Variants in VWA5B1 observed in about 807,000 individuals in gnomAD.
The protein encoded by VWA5B1 is von Willebrand factor A domain containing 5B1, also known as von Willebrand factor A domain-containing protein 5B1.
In VWA5B1, 115 loss-of-function variants were observed where a neutral mutation model predicts 118.2. The observed-to-expected ratio is 0.97, with a 90% confidence interval of 0.84 to 1.14. VWA5B1 has a LOEUF of 1.14. Among genes scored for constraint, VWA5B1 ranks in the 50% most tolerant of loss-of-function variants. The pLI, the probability that VWA5B1 is intolerant of heterozygous loss-of-function variation, is 0.00. For synonymous variants in VWA5B1, 682 were observed against 658.4 expected, an observed-to-expected ratio of 1.04 and a Z score of -0.55; for missense variants, 1,596 against 1,603.8, an observed-to-expected ratio of 1.00 and a Z score of 0.08.
intron 1 of VWA5B1, among the ~76,000 whole-genome samples, chr1:20,295,788 G>T (rs1274874976): frequency 6.6e-6 from 1 of 152,142 alleles, no homozygotes. Context: ...TCGCCGTAGT[G>T]TCCCCCCTTC....
At chr1:20,345,426 A>G in intron 16 of VWA5B1, 30 bp from the exon 17 acceptor site, 1 of 1,550,642 alleles carries the variant, frequency 6.4e-7, no homozygotes, top group South Asian at 1.2e-5. Context: ...TTCTGAGTCC[A>G]AACAGTGACC....
intron 7 of VWA5B1, among the ~76,000 whole-genome samples, chr1:20,322,350 C>T (rs1046933150): frequency 6.6e-6 from 1 of 151,790 alleles, no homozygotes; most frequent in Non-Finnish European, 1.5e-5. Context: ...GAGAGAAAGT[C>T]GGGGTGGAAA....
chr1:20,322,090 G>A (rs1274288529), intron 7 of VWA5B1, among the ~76,000 whole-genome samples: 1 of 152,210 alleles, frequency 6.6e-6, no homozygotes, highest in Admixed American at 6.5e-5. Flanking sequence ...CAGTAGCAGT[G>A]GAGTCAGAGA....
intron 12 of VWA5B1, among the ~76,000 whole-genome samples, chr1:20,335,606 CAATT>C (rs1301793541): frequency 3.9e-5 from 6 of 152,064 alleles, no homozygotes; most frequent in South Asian, 2.1e-4. Context: ...TATAAACAGT[CAATT>C]AACGCATATT....
In VWA5B1 at chr1:20,312,820, G is replaced by C; in HGVS notation, c.140-16G>C. The C allele has an allele frequency of 6.5e-7, 1 of 1,541,562 alleles. No homozygotes were observed. Among genetic ancestry groups the C allele is most frequent in the Non-Finnish European group, 8.8e-7 (1 of 1,140,004 alleles). On this transcript the variant is annotated splice_polypyrimidine_tract_variant and intron_variant, in intron 2 of 21. Coordinates refer to ENST00000289815, the MANE Select transcript of VWA5B1 (RefSeq NM_001039500.3). Reference sequence around the variant, plus strand: ...AGGCCTGGGGCACCCCGTGATGCTGGGCCCTGCTCCGACAGGCCTCTTCGT... The same window carrying C: ...AGGCCTGGGGCACCCCGTGATGCTGCGCCCTGCTCCGACAGGCCTCTTCGT...
intron 4 of VWA5B1, 35 bp from the exon 5 acceptor site, chr1:20,317,495 G>C: frequency 6.5e-7 from 1 of 1,547,570 alleles, no homozygotes; most frequent in Non-Finnish European, 8.7e-7. Flanking sequence ...TTCCACCCTG[G>C]CTGGTCTCCT....
At chr1:20,320,076 A>T (rs969646044) in intron 7 of VWA5B1, among the ~76,000 whole-genome samples, 1 of 152,124 alleles carries the variant, frequency 6.6e-6, no homozygotes, top group Non-Finnish European at 1.5e-5. Context: ...GCCACAAGTC[A>T]CACCCCATGC....
intron 12 of VWA5B1, 58 bp downstream of exon 12, chr1:20,333,009 C>A: frequency 6.6e-7 from 1 of 1,526,296 alleles, no homozygotes. Flanking sequence ...GCCTACAAAT[C>A]AGCCTTAGCT....
In VWA5B1 at chr1:20,359,121, A is replaced by C. The variant is rs1469999807; in HGVS notation, c.*4858A>C. The stretch of plus-strand genomic sequence containing the variant: ...TGAGCTTACAGCCACGTCCCAACGC[A>C]ATGCGCCTCATCTCAATGCCGCTGA... On this transcript the variant is annotated 3_prime_UTR_variant, in exon 22 of 22. Transcript: ENST00000289815. 6.6e-6 allele frequency among the ~76,000 whole-genome samples: 1 copy of C among 152,160 alleles called. No homozygotes were observed. The highest frequency in any genetic ancestry group is 1.5e-5 in the Non-Finnish European group (1 of 68,038).
intron 4 of VWA5B1, among the ~76,000 whole-genome samples, chr1:20,315,080 T>C (rs1214341185): frequency 2.0e-5 from 3 of 152,202 alleles, no homozygotes; most frequent in Non-Finnish European, 4.4e-5. Flanking sequence ...TTCATTGGGC[T>C]AAGAGTATAA....
chr1:20,299,483 A>C (rs2088466818), intron 1 of VWA5B1, among the ~76,000 whole-genome samples: 1 of 152,140 alleles, frequency 6.6e-6, no homozygotes, highest in African/African-American at 2.4e-5. Context: ...AGCTCACCGC[A>C]AGCTCCACTT....
intron 11 of VWA5B1, among the ~76,000 whole-genome samples, chr1:20,331,861 G>C (rs1455395600): frequency 6.6e-6 from 1 of 152,024 alleles, no homozygotes; most frequent in Admixed American, 6.6e-5. Flanking sequence ...CTCTATACTT[G>C]CCACAACCCC....
chr1:20,308,836 G>C (rs770881797), intron 1 of VWA5B1, among the ~76,000 whole-genome samples: 1 of 152,154 alleles, frequency 6.6e-6, no homozygotes, highest in Non-Finnish European at 1.5e-5. Flanking sequence ...GGGGACCCAG[G>C]GGGAAACAGT....
At chr1:20,313,101 G>C (rs2088900528) in intron 3 of VWA5B1, 113 bp downstream of exon 3, 10 of 1,359,700 alleles carry the variant, frequency 7.4e-6, no homozygotes, top group Non-Finnish European at 9.9e-6. Flanking sequence ...GGCAGAAAGA[G>C]CACTGAACTA....
chr1:20,342,975 A>C, intron 15 of VWA5B1, 104 bp from the exon 16 acceptor site: 1 of 1,445,766 alleles, frequency 6.9e-7, no homozygotes, highest in South Asian at 1.5e-5. Context: ...AGTGGGTTGT[A>C]CTTGCTTAGA....
At chr1:20,293,605 G>T (rs1012194940) in intron 1 of VWA5B1, among the ~76,000 whole-genome samples, 23 of 152,228 alleles carry the variant, frequency 1.5e-4, no homozygotes, top group African/African-American at 5.1e-4. Context: ...CAGTCAGCCT[G>T]GGAAGGGGCT....
At chr1:20,330,452 G>A (rs2089517081) in intron 10 of VWA5B1, 70 bp downstream of exon 10, 3 of 1,524,230 alleles carry the variant, frequency 2.0e-6, no homozygotes, top group Non-Finnish European at 2.7e-6. Context: ...GAGCCCAAGG[G>A]CAATGTGGAA....
intron 8 of VWA5B1, among the ~76,000 whole-genome samples, chr1:20,324,573 G>C (rs1023073931): frequency 6.6e-6 from 1 of 152,104 alleles, no homozygotes; most frequent in East Asian, 1.9e-4. Flanking sequence ...TTATTGATCC[G>C]GGTAAAGGAT....
At chr1:20,303,495 C>T (rs1221698482) in intron 1 of VWA5B1, 1 of 152,316 alleles carries the variant, frequency 6.6e-6, no homozygotes, top group Non-Finnish European at 1.5e-5. Flanking sequence ...TAGGCAGAGG[C>T]CCATGGGACC....
Sources: allele counts gnomAD v4.1 joint callset (sites outside exome capture counted in the v4.1 genomes callset), GRCh38; gene constraint gnomAD v4.1.1; transcripts MANE v1.5; gene names NCBI Gene and HGNC (gene_info 2026-07-23, HGNC 2026-07-21).